PTPRD: variants seen among roughly 807,000 people sequenced by gnomAD.
PTPRD encodes receptor-type tyrosine-protein phosphatase delta.
In PTPRD, 34 loss-of-function variants were observed where a neutral mutation model predicts 214.5. The observed-to-expected ratio is 0.16, with a 90% CI of 0.12 to 0.21. The LOEUF (loss-of-function observed/expected upper bound fraction) is 0.21. Among genes scored for constraint, PTPRD ranks in the 10% least tolerant of loss-of-function variants. PTPRD has a pLI of 1.00. For missense variants in PTPRD, 2,545 were observed against 2,398.7 expected (o/e 1.06, Z -1.27); for synonymous variants, 1,128 against 845.7 (o/e 1.33, Z -5.79).
chr9:8,819,244 C>T (rs1277247361), intron 11 of PTPRD, among the ~76,000 whole-genome samples: 1 of 152,116 alleles, frequency 6.6e-6, no homozygotes, highest in Non-Finnish European at 1.5e-5. Flanking sequence ...ACTTGACATG[C>T]TTGAATAAAT....
chr9:9,281,026 T>G (rs1947501588), intron 9 of PTPRD, among the ~76,000 whole-genome samples: 1 of 150,882 alleles, frequency 6.6e-6, no homozygotes, highest in African/African-American at 2.4e-5. Context: ...AGAGAAAAAA[T>G]AGTCTTAGTG....
intron 10 of PTPRD, among the ~76,000 whole-genome samples, chr9:9,116,549 G>GC (rs1442680099): frequency 6.6e-6 from 1 of 152,052 alleles, no homozygotes; most frequent in African/African-American, 2.4e-5. Flanking sequence ...TACACTAAAA[G>GC]CCCAGACTTC....
At chr9:8,885,323 G>A (rs982661932) in intron 11 of PTPRD, among the ~76,000 whole-genome samples, 1 of 151,922 alleles carries the variant, frequency 6.6e-6, no homozygotes, top group African/African-American at 2.4e-5. Context: ...TCAGGGCATG[G>A]GATGTTTAGG....
intron 2 of PTPRD, among the ~76,000 whole-genome samples, chr9:10,555,655 A>G (rs1306304718): frequency 6.6e-6 from 1 of 152,208 alleles, no homozygotes; most frequent in African/African-American, 2.4e-5. Flanking sequence ...CACACAGACA[A>G]ATCCTTTTTA....
rs114559194 is a variant in PTPRD, at chr9:9,302,448, G to A, written c.-203+95001C>T. ...AACCACGTGTGAAAGTGGATGAGAT[G>A]TACAGGACAAAGTTTATGCATTTTA... On this transcript the variant is annotated intron_variant, in intron 9 of 45. Coordinates refer to ENST00000381196, the MANE Select transcript of PTPRD (RefSeq NM_002839.4). Among the ~76,000 whole-genome samples the A allele has an allele frequency of 6.7e-3, 1,004 of 150,026 alleles. 11 individuals carry two copies. Among genetic ancestry groups the A allele is most frequent in the African/African-American group, 0.023 (958 of 40,798 alleles).
intron 35 of PTPRD, among the ~76,000 whole-genome samples, chr9:8,422,175 A>AAAT: frequency 6.9e-6 from 1 of 145,982 alleles, no homozygotes; most frequent in African/African-American, 2.6e-5. Context: ...AAAAAAAAAA[A>AAAT]GGTAAATTTT....
At chr9:10,182,664 AAC>A (rs1249313651) in intron 3 of PTPRD, among the ~76,000 whole-genome samples, 4 of 152,200 alleles carry the variant, frequency 2.6e-5, no homozygotes, top group African/African-American at 7.2e-5. Context: ...TGGACAGTAA[AAC>A]ACTTGATTTC....
At chr9:10,608,013 C>T (rs1037445835) in intron 2 of PTPRD, among the ~76,000 whole-genome samples, 2 of 151,970 alleles carry the variant, frequency 1.3e-5, no homozygotes, top group Non-Finnish European at 1.5e-5. Context: ...GGATATTCAA[C>T]CAACTTTGAT....
chr9:8,477,064 G>A (rs2096779772), intron 30 of PTPRD, among the ~76,000 whole-genome samples: 1 of 151,662 alleles, frequency 6.6e-6, no homozygotes, highest in Non-Finnish European at 1.5e-5. Context: ...CAGCTAATAT[G>A]TGCCCTACAA....
At chr9:8,772,945 G>A (rs2095298573) in intron 11 of PTPRD, among the ~76,000 whole-genome samples, 1 of 152,118 alleles carries the variant, frequency 6.6e-6, no homozygotes, top group Non-Finnish European at 1.5e-5. Flanking sequence ...AGATTCTTTA[G>A]TTAGGACTCA....
chr9:9,810,813 C>G (rs1231256759), intron 5 of PTPRD, among the ~76,000 whole-genome samples: 5 of 151,802 alleles, frequency 3.3e-5, no homozygotes, highest in Non-Finnish European at 5.9e-5. Context: ...AAAGCTGTAG[C>G]TGCCATAGAT....
chr9:10,544,591 C>A (rs948596770), intron 2 of PTPRD, among the ~76,000 whole-genome samples: 1 of 152,120 alleles, frequency 6.6e-6, no homozygotes, highest in Admixed American at 6.6e-5. Context: ...TGCTAACCAG[C>A]AACCAGTATT....
At chr9:8,812,085 C>G (rs1015035333) in intron 11 of PTPRD, among the ~76,000 whole-genome samples, 6 of 152,170 alleles carry the variant, frequency 3.9e-5, no homozygotes, top group African/African-American at 1.4e-4. Context: ...CTGCATGTTC[C>G]TATCCTACAT....
chr9:10,410,230 G>C (rs80269882), intron 2 of PTPRD, among the ~76,000 whole-genome samples: 1 of 121,150 alleles, frequency 8.3e-6, no homozygotes, highest in Non-Finnish European at 1.7e-5. Flanking sequence ...TAATAACCAG[G>C]TAATTAACTG....
chr9:8,800,845 C>A (rs1220791855), intron 11 of PTPRD, among the ~76,000 whole-genome samples: 1 of 152,090 alleles, frequency 6.6e-6, no homozygotes, highest in Non-Finnish European at 1.5e-5. Flanking sequence ...TGTAACAATT[C>A]CATTCTTTCT....
chr9:8,321,487 G>GTATATATATATATATATATA (rs750825729), intron 44 of PTPRD, among the ~76,000 whole-genome samples: 33 of 44,538 alleles, frequency 7.4e-4, no homozygotes, highest in Non-Finnish European at 1.0e-3. Flanking sequence ...GTGTGTGTGT[G>GTATATATATATATATATATA]TATATATATA....
At chr9:8,903,808 C>T (rs1412288704) in intron 11 of PTPRD, among the ~76,000 whole-genome samples, 2 of 146,544 alleles carry the variant, frequency 1.4e-5, no homozygotes, top group Admixed American at 6.7e-5. Context: ...AAGCAATATC[C>T]TACAAGTGAA....
rs1026511024 is a variant in PTPRD, at chr9:9,707,538, C to G, written c.-287+26995G>C. Among the ~76,000 whole-genome samples the G allele has an allele frequency of 3.3e-5, 5 of 152,158 alleles. No homozygotes were observed. The South Asian group carries it at 1.0e-3, about 32-fold the overall frequency. ...AATGCTGGCATACTCACTGGAATAA[C>G]AGCGTGATTATTGTTTAATTTTACA... On this transcript the variant is annotated intron_variant, in intron 7 of 45. Coordinates refer to ENST00000381196, the MANE Select transcript of PTPRD (RefSeq NM_002839.4).
chr9:9,828,063 A>G (rs138250615), intron 5 of PTPRD, among the ~76,000 whole-genome samples: 26,941 of 152,132 alleles, frequency 0.18, 2,803 homozygotes, highest in African/African-American at 0.28. Flanking sequence ...GTGGGACTGT[A>G]AACTAGCTCA....
Sources: allele counts gnomAD v4.1 joint callset (sites outside exome capture counted in the v4.1 genomes callset), GRCh38; gene constraint gnomAD v4.1.1; transcripts MANE v1.5; gene names NCBI Gene and HGNC (gene_info 2026-07-23, HGNC 2026-07-21).